The following CASD1 variants were observed in gnomAD, a reference collection of about 807,000 sequenced individuals.
The protein encoded by CASD1 is N-acetylneuraminate (7)9-O-acetyltransferase.
A neutral mutation model predicts 100.0 loss-of-function variants in CASD1; 41 were observed. The observed-to-expected ratio is 0.41, with a 90% confidence interval of 0.32 to 0.53. The LOEUF is 0.53. Ranked by LOEUF, CASD1 falls within the 20% of genes least tolerant of loss-of-function variation. The pLI, the probability that CASD1 is intolerant of heterozygous loss-of-function variation, is 0.25. For synonymous variants in CASD1, 321 were observed against 315.6 expected (o/e 1.02, Z -0.18); for missense variants, 774 against 948.7 (o/e 0.82, Z 2.42).
At chr7:94,525,589 G>A (rs1794523679) in intron 3 of CASD1, among the ~76,000 whole-genome samples, 1 of 152,184 alleles carries the variant, frequency 6.6e-6, no homozygotes, top group South Asian at 2.1e-4. Flanking sequence ...TGTATGCAAA[G>A]TAAGACAAAG....
the CASD1 span, chr7:94,588,705 G>C: frequency 6.2e-7 from 1 of 1,607,816 alleles, no homozygotes; most frequent in Non-Finnish European, 8.5e-7. Flanking sequence ...TCTGCTGTTG[G>C]GGAATCTGAG....
the CASD1 span, among the ~76,000 whole-genome samples, chr7:94,566,500 C>G: frequency 6.6e-6 from 1 of 151,712 alleles, no homozygotes; most frequent in Non-Finnish European, 1.5e-5. Context: ...CTTTTAACAT[C>G]CTTACATAAA....
chr7:94,545,719 C>T lies in CASD1; in HGVS notation c.1633+18C>T. 6.7e-7 allele frequency: 1 copy of T among 1,503,244 alleles called. No homozygotes were observed. 93.1% of individuals were successfully genotyped at this position (1,503,244 alleles called of 1,614,324 possible). ...AGCAAACGGTAAATATACTTTCTTA[C>T]TAATGTTAGTAAATATATTTTTTCA... On this transcript the variant is annotated intron_variant, in intron 12 of 17. Coordinates refer to ENST00000297273, the MANE Select transcript of CASD1 (RefSeq NM_022900.5).
chr7:94,558,485 TTAGCTTAA>T (rs1796280158), downstream of CASD1, among the ~76,000 whole-genome samples: 1 of 152,202 alleles, frequency 6.6e-6, no homozygotes, highest in African/African-American at 2.4e-5. Flanking sequence ...AATTACCTTT[TTAGCTTAA>T]TAGTGAAGAC....
At chr7:94,615,361 AATAAATAGATAG>A in the CASD1 span, among the ~76,000 whole-genome samples, 245 of 132,280 alleles carry the variant, frequency 1.9e-3, 2 homozygotes, top group African/African-American at 6.8e-3. Flanking sequence ...TCTGTCTCAA[AATAAATAGATAG>A]ATAGATAGAT....
At chr7:94,545,468 C>A in intron 11 of CASD1, 77 bp from the exon 12 acceptor site, 1 of 1,064,764 alleles carries the variant, frequency 9.4e-7, no homozygotes, top group Non-Finnish European at 1.4e-6. Context: ...CAGAGAAAAT[C>A]TGCCTTTGCT....
intron 1 of CASD1, among the ~76,000 whole-genome samples, chr7:94,516,794 T>TA (rs1246272344): frequency 6.6e-6 from 1 of 152,180 alleles, no homozygotes; most frequent in Non-Finnish European, 1.5e-5. Context: ...GTTTCCTAGT[T>TA]ACGGAACTTT....
chr7:94,510,448 G>A (rs918019615), intron 1 of CASD1, among the ~76,000 whole-genome samples: 2 of 152,212 alleles, frequency 1.3e-5, no homozygotes, highest in African/African-American at 4.8e-5. Flanking sequence ...GGCGCCCCGA[G>A]CCGCCCGCGC....
intron 5 of CASD1, among the ~76,000 whole-genome samples, chr7:94,531,340 C>T (rs959451437): frequency 1.3e-5 from 2 of 152,200 alleles, no homozygotes; most frequent in East Asian, 3.9e-4. Context: ...TTTCTTTACT[C>T]TCTTGTCAGA....
the CASD1 span, among the ~76,000 whole-genome samples, chr7:94,595,242 A>T: frequency 6.6e-6 from 1 of 152,194 alleles, no homozygotes; most frequent in East Asian, 1.9e-4. Flanking sequence ...GCAGCCATTC[A>T]TTACATAACA....
At chr7:94,586,079 A>AC in the CASD1 span, among the ~76,000 whole-genome samples, 3 of 150,356 alleles carry the variant, frequency 2.0e-5, no homozygotes, top group Admixed American at 6.6e-5. Context: ...AAAAAAAAAA[A>AC]AAAAAAAACA....
At chr7:94,584,394 A>T in the CASD1 span, among the ~76,000 whole-genome samples, 1 of 152,228 alleles carries the variant, frequency 6.6e-6, no homozygotes, top group Non-Finnish European at 1.5e-5. Flanking sequence ...AGCAAGTGGC[A>T]ATGCCCTAGT....
intron 13 of CASD1, 88 bp downstream of exon 13, chr7:94,547,263 T>C: frequency 1.1e-6 from 1 of 875,766 alleles, no homozygotes; most frequent in Non-Finnish European, 1.7e-6. Context: ...TCAGAGCTTT[T>C]TTTTAGCTTC....
At chr7:94,588,372 C>T in the CASD1 span, 1 of 1,143,080 alleles carries the variant, frequency 8.7e-7, no homozygotes, top group Non-Finnish European at 1.1e-6. Flanking sequence ...TGCATCCAAG[C>T]TAAGAATCTT....
At chr7:94,525,097 T>TAGAGAA (rs200744706) in intron 3 of CASD1, among the ~76,000 whole-genome samples, 9,643 of 152,240 alleles carry the variant, frequency 0.063, 441 homozygotes, top group Middle Eastern at 0.12. Flanking sequence ...AACTTTCACA[T>TAGAGAA]AGTTCAGCAA....
chr7:94,623,415 C>T, the CASD1 span: 3 of 1,512,712 alleles, frequency 2.0e-6, no homozygotes, highest in Non-Finnish European at 2.7e-6. Context: ...AAAAGGAAAA[C>T]CATATTAAAG....
At chr7:94,568,828 A>G in the CASD1 span, among the ~76,000 whole-genome samples, 1 of 152,142 alleles carries the variant, frequency 6.6e-6, no homozygotes, top group African/African-American at 2.4e-5. Context: ...GACACAGAAA[A>G]TGGCTATCTA....
At chr7:94,545,488 T>C (rs1795630416) in intron 11 of CASD1, 57 bp from the exon 12 acceptor site, 1 of 1,377,764 alleles carries the variant, frequency 7.3e-7, no homozygotes, top group East Asian at 2.3e-5. Flanking sequence ...TGTTCGTGTG[T>C]ACCTAGAATG....
intron 3 of CASD1, among the ~76,000 whole-genome samples, chr7:94,524,731 C>A (rs984238575): frequency 6.6e-6 from 1 of 151,898 alleles, no homozygotes; most frequent in African/African-American, 2.4e-5. Context: ...ATCAGTTGAC[C>A]TGTACTCTAC....
Sources: gnomAD v4.1 joint callset for allele counts (sites outside exome capture counted in the v4.1 genomes callset) on GRCh38, gnomAD v4.1.1 for gene constraint, MANE v1.5 for transcripts, NCBI Gene and HGNC (gene_info 2026-07-23, HGNC 2026-07-21) for gene names.